FAM171B: variants seen among roughly 807,000 people sequenced by gnomAD.
FAM171B encodes family with sequence similarity 171 member B.
A neutral mutation model predicts 75.6 loss-of-function variants in FAM171B; 19 were observed. That is an observed-to-expected ratio of 0.25 (90% CI 0.18 to 0.37). The LOEUF (loss-of-function observed/expected upper bound fraction) is 0.37, where lower values mean the gene tolerates loss of function less well. Ranked by LOEUF, FAM171B falls within the 10% of genes least tolerant of loss-of-function variation. The pLI is 1.00. For synonymous variants in FAM171B, 367 were observed against 361.7 expected (o/e 1.01, Z -0.17); for missense variants, 848 against 982.4 (o/e 0.86, Z 1.83).
intron 5 of FAM171B, 103 bp from the exon 6 acceptor site, chr2:186,753,830 C>A: frequency 1.3e-6 from 1 of 793,136 alleles, no homozygotes; most frequent in Non-Finnish European, 2.2e-6. Flanking sequence ...TATATATTGC[C>A]ACAGTTTTCA....
chr2:186,697,090 A>G (rs759528615), intron 1 of FAM171B, among the ~76,000 whole-genome samples: 5 of 152,204 alleles, frequency 3.3e-5, no homozygotes, highest in South Asian at 2.1e-4. Flanking sequence ...TCTTCATTGG[A>G]TAAATTCTCC....
At chr2:186,736,854 T>C (rs1218658028) in intron 1 of FAM171B, among the ~76,000 whole-genome samples, 1 of 152,192 alleles carries the variant, frequency 6.6e-6, no homozygotes, top group African/African-American at 2.4e-5. Context: ...GAATTTTTTA[T>C]CTGATTTGCT....
At chr2:186,727,246 T>C (rs1690047864) in intron 1 of FAM171B, among the ~76,000 whole-genome samples, 1 of 152,116 alleles carries the variant, frequency 6.6e-6, no homozygotes, top group Admixed American at 6.6e-5. Context: ...ATTAATCTGG[T>C]CAGTACAGAA....
chr2:186,728,357 C>A (rs562044184), intron 1 of FAM171B, among the ~76,000 whole-genome samples: 1 of 152,074 alleles, frequency 6.6e-6, no homozygotes, highest in African/African-American at 2.4e-5. Context: ...TTTTTCTTCA[C>A]GTGTTGTTTC....
At chr2:186,703,320 C>T (rs543226246) in intron 1 of FAM171B, among the ~76,000 whole-genome samples, 5 of 152,252 alleles carry the variant, frequency 3.3e-5, no homozygotes, top group East Asian at 1.9e-4. Flanking sequence ...AACAGCAATT[C>T]GTATGTGTGG....
chr2:186,754,663 G>A (rs2105791125), intron 6 of FAM171B, among the ~76,000 whole-genome samples: 1 of 152,258 alleles, frequency 6.6e-6, no homozygotes, highest in Middle Eastern at 3.4e-3. Flanking sequence ...GATTGAGGAG[G>A]AGAGGAAGGG....
Position 186,737,430 on chromosome 2 carries a change from C to T in FAM171B, c.239-2798C>T, listed in dbSNP as rs191864532. Among the ~76,000 whole-genome samples the T allele has an allele frequency of 6.6e-5, 10 of 152,268 alleles. No individual in the cohort carries two copies. The East Asian group carries it at 7.7e-4, about 12-fold the overall frequency. On this transcript the variant is annotated intron_variant, in intron 1 of 7. Coordinates refer to ENST00000304698, the MANE Select transcript of FAM171B (RefSeq NM_177454.4). Reference sequence around the variant, plus strand: ...GGAGTGCAGTGGTGTGATCATGGCTCACTGCAGCCTTGACCTCCTGGGCTA... The same window carrying T: ...GGAGTGCAGTGGTGTGATCATGGCTTACTGCAGCCTTGACCTCCTGGGCTA...
intron 1 of FAM171B, 48 bp from the exon 2 acceptor site, chr2:186,740,180 T>G (rs530173028): frequency 1.5e-6 from 2 of 1,335,354 alleles, no homozygotes; most frequent in South Asian, 2.4e-5. Flanking sequence ...CTATGACATA[T>G]GCATTCTAGG....
intron 6 of FAM171B, among the ~76,000 whole-genome samples, chr2:186,760,356 T>C (rs1690596502): frequency 6.6e-6 from 1 of 152,172 alleles, no homozygotes; most frequent in Non-Finnish European, 1.5e-5. Flanking sequence ...ATTCTATTTC[T>C]TTAGACCCCT....
chr2:186,740,171 T>A (rs1331198830), intron 1 of FAM171B, 57 bp from the exon 2 acceptor site: 2 of 1,247,886 alleles, frequency 1.6e-6, no homozygotes, highest in African/African-American at 1.5e-5. Flanking sequence ...ATTTAAAGAC[T>A]ATGACATATG....
At chr2:186,726,845 T>C (rs1690040664) in intron 1 of FAM171B, among the ~76,000 whole-genome samples, 1 of 152,196 alleles carries the variant, frequency 6.6e-6, no homozygotes, top group African/African-American at 2.4e-5. Flanking sequence ...GTAATTATTA[T>C]AGTAATGTAA....
Position 186,764,340 on chromosome 2 carries a change from G to T in FAM171B, c.*1517G>T, listed in dbSNP as rs141562280. ...GCAATTTTTTCCTCCAACTTCTAAC[G>T]TGTCAAATAACCTTCCTACTGTTCT... On this transcript the variant is annotated 3_prime_UTR_variant, in exon 8 of 8. Transcript: ENST00000304698. 6.6e-6 allele frequency: 1 copy of T among 151,744 alleles called. No homozygotes were observed. The highest frequency in any genetic ancestry group is 1.5e-5 in the Non-Finnish European group (1 of 67,882). 9.4% of individuals were successfully genotyped at this position (151,744 alleles called of 1,614,324 possible). A position where few individuals can be genotyped will look rare whatever the true frequency, so the allele number is the denominator to read the frequency against.
intron 1 of FAM171B, among the ~76,000 whole-genome samples, chr2:186,702,175 A>G (rs1689671469): frequency 6.6e-6 from 1 of 152,224 alleles, no homozygotes. Flanking sequence ...GTGTACTTAC[A>G]CAAGCCTAAA....
At chr2:186,758,202 A>C (rs754523196) in intron 6 of FAM171B, among the ~76,000 whole-genome samples, 1 of 152,172 alleles carries the variant, frequency 6.6e-6, no homozygotes, top group Non-Finnish European at 1.5e-5. Flanking sequence ...AGCAGCTCAC[A>C]TGGGTTAGAT....
At position 186,762,948 on chromosome 2, in the gene FAM171B, G is replaced by T; in HGVS notation, c.*125G>T. ...ATGGTTCTTGGACATGTCTCAAGCA[G>T]AGTAAATGGTAATTCAGTAATCAGA... is the stretch of plus-strand genomic sequence containing the variant. On this transcript the variant is annotated 3_prime_UTR_variant, in exon 8 of 8. Coordinates refer to ENST00000304698, the MANE Select transcript of FAM171B (RefSeq NM_177454.4). The surrounding 1 kb of genome is among the most constrained non-coding windows in gnomAD (Gnocchi z 4.0). The T allele has an allele frequency of 8.7e-7, 1 of 1,146,092 alleles. No homozygotes were observed. The highest frequency in any genetic ancestry group is 1.2e-6 in the Non-Finnish European group (1 of 812,060). The allele number at this position is 1,146,092 out of a possible 1,614,324, so 71.0% of individuals were successfully genotyped here. A position where few individuals can be genotyped will look rare whatever the true frequency, so the allele number is the denominator to read the frequency against.
At chr2:186,720,712 A>AG (rs1387880322) in intron 1 of FAM171B, among the ~76,000 whole-genome samples, 18 of 144,854 alleles carry the variant, frequency 1.2e-4, no homozygotes, top group South Asian at 1.1e-3. Flanking sequence ...AAAAAAAAAA[A>AG]AAAAGAAAAG....
intron 3 of FAM171B, among the ~76,000 whole-genome samples, chr2:186,745,427 A>G (rs987591028): frequency 3.3e-5 from 5 of 152,036 alleles, no homozygotes; most frequent in South Asian, 2.1e-4. Flanking sequence ...AGTGGTAAGC[A>G]CTCATTTGTC....
At chr2:186,709,186 G>A (rs546903892) in intron 1 of FAM171B, among the ~76,000 whole-genome samples, 1 of 152,194 alleles carries the variant, frequency 6.6e-6, no homozygotes, top group South Asian at 2.1e-4. Context: ...GGTGCTACAT[G>A]AGAAATCTGC....
chr2:186,753,145 T>G (rs1690480740), intron 5 of FAM171B, among the ~76,000 whole-genome samples: 1 of 151,894 alleles, frequency 6.6e-6, no homozygotes, highest in Non-Finnish European at 1.5e-5. Flanking sequence ...GTCCTTAGTT[T>G]ATTTTATTAT....
Sources: gnomAD v4.1 joint callset for allele counts (sites outside exome capture counted in the v4.1 genomes callset) on GRCh38, gnomAD v4.1.1 for gene constraint, Gnocchi (gnomAD v3.1) non-coding constraint, MANE v1.5 for transcripts, NCBI Gene and HGNC (gene_info 2026-07-23, HGNC 2026-07-21) for gene names.